PRKDC: variants seen among roughly 807,000 people sequenced by gnomAD.
PRKDC encodes the protein DNA-dependent protein kinase catalytic subunit.
In PRKDC, 82 loss-of-function variants were observed where a neutral mutation model predicts 486.9. The observed-to-expected ratio is 0.17, with a 90% CI of 0.14 to 0.20. PRKDC has a LOEUF of 0.20. PRKDC is among the 10% of genes least tolerant of loss of function. The pLI, the probability that PRKDC is intolerant of heterozygous loss-of-function variation, is 1.00. For missense variants in PRKDC, 4,504 were observed against 5,038.2 expected, an observed-to-expected ratio of 0.89 and a Z score of 3.21; for synonymous variants, 1,895 against 1,837.0, an observed-to-expected ratio of 1.03 and a Z score of -0.81.
chr8:47,776,985 TAGA>T lies in PRKDC; in HGVS notation c.12043-5_12043-3del, dbSNP rs2086620185. The T allele has an allele frequency of 6.2e-7, 1 of 1,608,236 alleles. No individual in the cohort carries two copies. Among genetic ancestry groups the T allele is most frequent in the South Asian group, 1.1e-5 (1 of 89,964 alleles). On this transcript the variant is annotated splice_region_variant and splice_polypyrimidine_tract_variant and intron_variant, in intron 84 of 85. Transcript: ENST00000314191. ...TTTCAGCATTTTCTGTTCAAAATTC[TAGA>T]AGAAAAGAACATGATTTTCCCGGCT... is the stretch of plus-strand genomic sequence containing the variant.
At chr8:47,951,755 C>T (rs2090628958) in intron 7 of PRKDC, among the ~76,000 whole-genome samples, 1 of 151,968 alleles carries the variant, frequency 6.6e-6, no homozygotes, top group Admixed American at 6.6e-5. Flanking sequence ...ATGATATCTA[C>T]AACTCAACAA....
intron 31 of PRKDC, among the ~76,000 whole-genome samples, chr8:47,892,637 T>G (rs2089487346): frequency 6.6e-6 from 1 of 152,156 alleles, no homozygotes; most frequent in South Asian, 2.1e-4. Flanking sequence ...AGCCAAGGAA[T>G]CTTTAAATAT....
chr8:47,866,476 T>C (rs2088819682), intron 40 of PRKDC, among the ~76,000 whole-genome samples: 1 of 152,136 alleles, frequency 6.6e-6, no homozygotes, highest in Admixed American at 6.5e-5. Context: ...AACATCTGAC[T>C]CTTACCTAAA....
chr8:47,906,670 T>G (rs1339021932), intron 25 of PRKDC, among the ~76,000 whole-genome samples: 2 of 150,700 alleles, frequency 1.3e-5, no homozygotes, highest in East Asian at 3.9e-4. Context: ...AGGTGAACAC[T>G]CCCTACACTG....
At chr8:47,817,009 T>C (rs531868284) in intron 68 of PRKDC, among the ~76,000 whole-genome samples, 21 of 152,274 alleles carry the variant, frequency 1.4e-4, no homozygotes, top group African/African-American at 5.1e-4. Flanking sequence ...GACATGAACA[T>C]GACCTGAGAC....
intron 80 of PRKDC, among the ~76,000 whole-genome samples, chr8:47,781,429 C>T (rs978507496): frequency 6.6e-6 from 1 of 152,154 alleles, no homozygotes; most frequent in Admixed American, 6.6e-5. Flanking sequence ...TATTTAAAAA[C>T]TTTTAAAAAA....
At chr8:47,801,066 G>T (rs1031602275) in intron 70 of PRKDC, 80 bp from the exon 71 acceptor site, 3 of 1,360,562 alleles carry the variant, frequency 2.2e-6, no homozygotes, top group Non-Finnish European at 3.0e-6. Context: ...ATTGTCTATA[G>T]AAGTTTTCTT....
At chr8:47,850,057 C>A (rs973778723) in intron 52 of PRKDC, among the ~76,000 whole-genome samples, 1 of 152,186 alleles carries the variant, frequency 6.6e-6, no homozygotes, top group African/African-American at 2.4e-5. Context: ...TCTGTCTCCC[C>A]TCCCCAAATG....
intron 80 of PRKDC, among the ~76,000 whole-genome samples, chr8:47,781,790 T>G (rs2154497488): frequency 6.6e-6 from 1 of 152,350 alleles, no homozygotes; most frequent in African/African-American, 2.4e-5. Context: ...CTCATCTGTA[T>G]AGCAGTGATA....
chr8:47,805,538 C>CT (rs2087200126), intron 69 of PRKDC, among the ~76,000 whole-genome samples: 1 of 152,168 alleles, frequency 6.6e-6, no homozygotes, highest in Non-Finnish European at 1.5e-5. Flanking sequence ...ATACTAGACC[C>CT]TTATCAGATA....
intron 7 of PRKDC, among the ~76,000 whole-genome samples, chr8:47,947,530 G>C (rs1301359560): frequency 6.6e-6 from 1 of 152,246 alleles, no homozygotes. Context: ...ACCTTTGGGA[G>C]GGTAAGGCGG....
chr8:47,803,615 A>G (rs180848421), intron 69 of PRKDC, 135 bp from the exon 70 acceptor site: 1 of 766,842 alleles, frequency 1.3e-6, no homozygotes. Context: ...AGCTTCAATT[A>G]TGTCTCTAAA....
At chr8:47,888,408 C>T in intron 34 of PRKDC, 110 bp downstream of exon 34, 1 of 921,748 alleles carries the variant, frequency 1.1e-6, no homozygotes, top group Non-Finnish European at 1.5e-6. Flanking sequence ...TCTATAATTC[C>T]CATTTCAGCA....
Position 47,955,957 on chromosome 8 carries a change from T to TAA in PRKDC, c.325-11_325-10dup. 2.8e-6 allele frequency: 4 copies of TAA among 1,441,802 alleles called. No homozygotes were observed. Among genetic ancestry groups the TAA allele is most frequent in the Non-Finnish European group, 3.8e-6 (4 of 1,062,378 alleles). 89.3% of individuals were successfully genotyped at this position (1,441,802 alleles called of 1,614,324 possible). ...ACACTGGTACAAGTGTTCTAGGTTT[T>TAA]AAAAAAAAAATAACCAAAATCATCA... On this transcript the variant is annotated splice_polypyrimidine_tract_variant and intron_variant, in intron 3 of 85. Transcript: ENST00000314191.
At position 47,879,624 on chromosome 8, in the gene PRKDC, C is replaced by G; in HGVS notation, c.5102G>C (p.Ser1701Thr). The change falls in exon 39 of 86, where the codon AGC (serine) becomes ACC (threonine). Residue 1701 changes from serine (S) to threonine (T), a missense_variant. Physicochemically the swap from Ser to Thr is moderately conservative, Grantham distance 58 (BLOSUM62 1). Coordinates refer to ENST00000314191, the MANE Select transcript of PRKDC (RefSeq NM_006904.7). ...TTCCTCCAGACTGCCTCCAGTGAGG[C>G]TGGTGAAGAATGGAAGAAGAGTGAC... ...QAVTLLPFFT[S>T]LTGGSLEELR... 6.3e-7 allele frequency: 1 copy of G among 1,588,240 alleles called. No homozygotes were observed. The highest frequency in any genetic ancestry group is 8.6e-7 in the Non-Finnish European group (1 of 1,168,998).
chr8:47,887,429 C>A (rs1208079390), intron 35 of PRKDC, 118 bp downstream of exon 35: 28 of 937,426 alleles, frequency 3.0e-5, no homozygotes, highest in Non-Finnish European at 3.9e-5. Flanking sequence ...GCAAATCATA[C>A]AATACTTGTC....
chr8:47,865,803 C>A (rs897318337), intron 40 of PRKDC, among the ~76,000 whole-genome samples: 1 of 151,958 alleles, frequency 6.6e-6, no homozygotes, highest in African/African-American at 2.4e-5. Context: ...AAACCCTGAT[C>A]CCCGGTGTGA....
In PRKDC at chr8:47,799,241, T is replaced by C. The variant is rs1187870625; in HGVS notation, c.10266A>G (p.Gln3422=). The C allele has an allele frequency of 3.1e-6, 5 of 1,613,826 alleles. No homozygotes were observed. The highest frequency in any genetic ancestry group is 4.2e-6 in the Non-Finnish European group (5 of 1,179,896). The change falls in exon 72 of 86, where the codon CAA becomes CAG. Residue 3422 remains glutamine, a synonymous_variant. Transcript: ENST00000314191. ...CATTCTCTTCCTCCTTGCGCAGCTG[T>C]TGGTCACAGAAATCTGCCAGCGTCA... is the stretch of plus-strand genomic sequence containing the variant. ...AYMTLADFCD[Q]QLRKEEENAS...
chr8:47,945,626 C>T (rs2090521033), intron 7 of PRKDC, among the ~76,000 whole-genome samples: 1 of 152,198 alleles, frequency 6.6e-6, no homozygotes, highest in Admixed American at 6.5e-5. Context: ...GTCTACGTGC[C>T]ATATTTTGCT....
Sources: allele counts gnomAD v4.1 joint callset (sites outside exome capture counted in the v4.1 genomes callset), GRCh38; gene constraint gnomAD v4.1.1; transcripts MANE v1.5; gene names NCBI Gene and HGNC (gene_info 2026-07-23, HGNC 2026-07-21).